ATXN1: variants seen among roughly 807,000 people sequenced by gnomAD.
The protein encoded by ATXN1 is ataxin-1.
A neutral mutation model predicts 56.4 loss-of-function variants in ATXN1; 8 were observed. The observed-to-expected ratio is 0.14, with a 90% confidence interval of 0.08 to 0.26. The LOEUF (loss-of-function observed/expected upper bound fraction) is 0.26, where lower values mean the gene tolerates loss of function less well. Ranked by LOEUF, ATXN1 falls within the 10% of genes least tolerant of loss-of-function variation. The pLI is 1.00. For missense variants in ATXN1, 987 were observed against 1,106.5 expected, an observed-to-expected ratio of 0.89 and a Z score of 1.53; for synonymous variants, 514 against 494.6, an observed-to-expected ratio of 1.04 and a Z score of -0.52.
At chr6:16,484,947 ATGTGTGTGTGTGTGTGTGTGTG>A (rs35749735) in intron 6 of ATXN1, among the ~76,000 whole-genome samples, 7 of 126,054 alleles carry the variant, frequency 5.6e-5, no homozygotes, top group East Asian at 2.3e-4. Context: ...CTAAATATAT[ATGTGTGTGTGTGTGTGTGTGTG>A]TGTGTGTGTG....
chr6:16,404,260 G>A (rs1758638832), intron 6 of ATXN1, among the ~76,000 whole-genome samples: 1 of 152,178 alleles, frequency 6.6e-6, no homozygotes, highest in Admixed American at 6.5e-5. Context: ...TATTTTCTTG[G>A]AGAGTTCTTT....
intron 2 of ATXN1, among the ~76,000 whole-genome samples, chr6:16,695,647 A>C (rs1759149314): frequency 6.6e-6 from 1 of 152,212 alleles, no homozygotes. Flanking sequence ...GAAGTTCTAG[A>C]AAATGTCCTA....
Position 16,491,281 on chromosome 6 carries a change from T to A in ATXN1, c.-298-5172A>T, listed in dbSNP as rs1049530466. Among the ~76,000 whole-genome samples the A allele has an allele frequency of 7.5e-3, 865 of 114,768 alleles. 16 individuals are homozygous for A. Among genetic ancestry groups the A allele is most frequent in the African/African-American group, 0.03 (819 of 27,026 alleles). 75.3% of individuals were successfully genotyped at this position (114,768 alleles called of 152,430 possible). A position where few individuals can be genotyped will look rare whatever the true frequency, so the allele number is the denominator to read the frequency against. ...CTAATTATTATTATTATTATTATTT[T>A]TTTTTTTTTTTTTTTTTTTTGATAC... On this transcript the variant is annotated intron_variant, in intron 5 of 7. Transcript: ENST00000436367.
intron 6 of ATXN1, among the ~76,000 whole-genome samples, chr6:16,429,399 C>T (rs1038781833): frequency 1.7e-4 from 23 of 137,944 alleles, no homozygotes; most frequent in Non-Finnish European, 3.1e-4. Context: ...CAACCAGTAG[C>T]AATAGCATCA....
chr6:16,654,426 C>T (rs1477756666), intron 3 of ATXN1, among the ~76,000 whole-genome samples: 2 of 151,682 alleles, frequency 1.3e-5, no homozygotes, highest in Non-Finnish European at 2.9e-5. Context: ...TGCCTGTAAT[C>T]CCAGCTACTC....
At chr6:16,386,916 C>G (rs1758253571) in intron 6 of ATXN1, among the ~76,000 whole-genome samples, 1 of 152,162 alleles carries the variant, frequency 6.6e-6, no homozygotes, top group Non-Finnish European at 1.5e-5. Context: ...AAGCAATCTG[C>G]CTGCCTCAGC....
In ATXN1 at chr6:16,302,975, G is replaced by C. The variant is rs1314487918; in HGVS notation, c.*3354C>G. The C allele has an allele frequency of 6.6e-6, 1 of 152,650 alleles. No homozygotes were observed. Among genetic ancestry groups the C allele is most frequent in the East Asian group, 1.9e-4 (1 of 5,198 alleles). 9.5% of individuals were successfully genotyped at this position (152,650 alleles called of 1,614,324 possible). On this transcript the variant is annotated 3_prime_UTR_variant, in exon 8 of 8. Transcript: ENST00000436367. Reference sequence around the variant, plus strand: ...CAAACAGGAGGCTCCTGCCCTCTGTGCGTTCTTCCTATTTGAAGAGAAAGC... The same window carrying C: ...CAAACAGGAGGCTCCTGCCCTCTGTCCGTTCTTCCTATTTGAAGAGAAAGC...
chr6:16,709,025 C>CAA (rs34066790), intron 2 of ATXN1, among the ~76,000 whole-genome samples: 202 of 121,020 alleles, frequency 1.7e-3, no homozygotes, highest in African/African-American at 6.2e-3. Context: ...AACTCTGTCT[C>CAA]AAAAAAAAAA....
intron 2 of ATXN1, among the ~76,000 whole-genome samples, chr6:16,712,451 G>GA (rs1450185405): frequency 6.6e-6 from 1 of 152,078 alleles, no homozygotes; most frequent in African/African-American, 2.4e-5. Context: ...AGTGAGAAGA[G>GA]AAATAGAGAA....
rs878885817 is a variant in ATXN1 at position 16,299,455 on chromosome 6, TCTC to T, written c.*6871_*6873del. ...AGTATGCACGCATATGGAAAAAAGT[TCTC>T]CTGTCACAATAAAAGCTCTTAACTA... On this transcript the variant is annotated 3_prime_UTR_variant, in exon 8 of 8. Transcript: ENST00000436367. 46 of 152,758 alleles carry T rather than the reference TCTC, an allele frequency of 3.0e-4. 1 individual carries two copies. The highest frequency in any genetic ancestry group is 2.9e-3 in the Admixed American group (44 of 15,298). 9.5% of individuals were successfully genotyped at this position (152,758 alleles called of 1,614,324 possible).
rs776646106 is a variant in ATXN1 at position 16,326,367 on chromosome 6, T to C, written c.1917+27A>G. ...GATGGCATCACGGTGTGGTGTCCCA[T>C]CCCTGTGCCACCCTGGCTAACGTTA... On this transcript the variant is annotated intron_variant, in intron 7 of 7. Transcript: ENST00000436367. This position sits in a 1 kb window ranked among gnomAD's most constrained non-coding sequence, Gnocchi z 6.6. The C allele has an allele frequency of 1.2e-6, 2 of 1,609,516 alleles. No homozygotes were observed. The highest frequency in any genetic ancestry group is 2.7e-5 in the African/African-American group (2 of 74,808).
At position 16,326,609 on chromosome 6, in the gene ATXN1, G is replaced by C. The variant is rs377600782; in HGVS notation, c.1702C>G (p.Pro568Ala). The C allele has an allele frequency of 2.5e-6, 4 of 1,614,144 alleles. No homozygotes were observed. The highest frequency in any genetic ancestry group is 1.6e-4 in the Middle Eastern group (1 of 6,062). ...QSVASPAAAP[P>A]TLPPYFMKGS... is the part of the protein sequence containing the mutation. The stretch of plus-strand genomic sequence containing the variant: ...TTCATGAAGTAGGGAGGCAGCGTAG[G>C]GGGAGCCGCCGCCGGGGAGGCCACG... The change falls in exon 7 of 8, where the codon CCT becomes GCT. Residue 568 changes from proline to alanine, a missense_variant. Transcript: ENST00000436367. This position sits in a 1 kb window ranked among gnomAD's most constrained non-coding sequence, Gnocchi z 6.6.
chr6:16,390,976 C>T (rs1309706279), intron 6 of ATXN1, among the ~76,000 whole-genome samples: 1 of 152,000 alleles, frequency 6.6e-6, no homozygotes, highest in Non-Finnish European at 1.5e-5. Context: ...GCCTGGACAA[C>T]ATGGATAAAC....
At chr6:16,470,385 G>A (rs1394157483) in intron 6 of ATXN1, among the ~76,000 whole-genome samples, 1 of 152,112 alleles carries the variant, frequency 6.6e-6, no homozygotes, top group East Asian at 1.9e-4. Context: ...AAAAAGAGGT[G>A]TGAAGACAAG....
At chr6:16,434,148 A>G (rs1249412802) in intron 6 of ATXN1, among the ~76,000 whole-genome samples, 1 of 152,230 alleles carries the variant, frequency 6.6e-6, no homozygotes, top group Non-Finnish European at 1.5e-5. Context: ...ACATCAAAAC[A>G]GACCCAGTTA....
chr6:16,323,380 G>A (rs574277093), intron 7 of ATXN1, among the ~76,000 whole-genome samples: 28 of 152,060 alleles, frequency 1.8e-4, no homozygotes, highest in East Asian at 5.8e-4. Context: ...TTAGCAGGGG[G>A]TGATGGCGTG....
At chr6:16,593,332 G>T (rs1392414168) in intron 3 of ATXN1, among the ~76,000 whole-genome samples, 1 of 152,018 alleles carries the variant, frequency 6.6e-6, no homozygotes, top group Non-Finnish European at 1.5e-5. Context: ...CCCTCCCTGG[G>T]GACTATGGAA....
At position 16,675,781 on chromosome 6, in the gene ATXN1, C is replaced by T. The variant is rs548359894; in HGVS notation, c.-614-17880G>A. 4.6e-5 allele frequency among the ~76,000 whole-genome samples: 7 copies of T among 151,950 alleles called. No homozygotes were observed. The East Asian group carries it at 5.8e-4, about 13-fold the overall frequency. On this transcript the variant is annotated intron_variant, in intron 2 of 7. Coordinates refer to ENST00000436367, the MANE Select transcript of ATXN1 (RefSeq NM_001128164.2). ...GTGCATACCTGTAGTCCCAGCGACT[C>T]GGGAGGCTGAGGCAGGAGAATCACT...
intron 6 of ATXN1, among the ~76,000 whole-genome samples, chr6:16,343,455 A>G (rs1761303100): frequency 1.3e-5 from 2 of 152,192 alleles, no homozygotes; most frequent in South Asian, 4.1e-4. Flanking sequence ...AGCTACAAGG[A>G]TCTCTGAGAT....
Sources: allele counts gnomAD v4.1 joint callset (sites outside exome capture counted in the v4.1 genomes callset), GRCh38; gene constraint gnomAD v4.1.1; non-coding constraint Gnocchi (gnomAD v3.1); transcripts MANE v1.5; gene names NCBI Gene and HGNC (gene_info 2026-07-23, HGNC 2026-07-21).